Variants in KIAA0319 observed in about 807,000 individuals in gnomAD.
KIAA0319 encodes KIAA0319.
A neutral mutation model predicts 108.4 loss-of-function variants in KIAA0319; 83 were observed. That is an observed-to-expected ratio of 0.77 (90% confidence interval 0.64 to 0.92). KIAA0319 has a LOEUF of 0.92. Among genes scored for constraint, KIAA0319 ranks in the 40% least tolerant of loss-of-function variants. The pLI, the probability that KIAA0319 is intolerant of heterozygous loss-of-function variation, is 0.00. For missense variants in KIAA0319, 1,195 were observed against 1,322.4 expected, an observed-to-expected ratio of 0.90 and a Z score of 1.49; for synonymous variants, 484 against 510.4, an observed-to-expected ratio of 0.95 and a Z score of 0.70.
At chr6:24,643,714 A>C (rs1777257574) in intron 1 of KIAA0319, among the ~76,000 whole-genome samples, 1 of 152,246 alleles carries the variant, frequency 6.6e-6, no homozygotes, top group Admixed American at 6.5e-5. Flanking sequence ...TATTTCCTGA[A>C]AAAGAACACA....
chr6:24,606,787 A>G (rs1218773514), intron 1 of KIAA0319, among the ~76,000 whole-genome samples: 1 of 152,218 alleles, frequency 6.6e-6, no homozygotes, highest in Non-Finnish European at 1.5e-5. Context: ...CAGAAAAGGA[A>G]CTATTGAATA....
intron 19 of KIAA0319, among the ~76,000 whole-genome samples, chr6:24,553,511 CA>C (rs1290069515): frequency 2.6e-5 from 4 of 151,922 alleles, no homozygotes; most frequent in African/African-American, 9.7e-5. Context: ...CTCCCCAAAG[CA>C]AGAAACTTCC....
chr6:24,546,905 A>G lies in KIAA0319; in HGVS notation c.*260T>C, dbSNP rs1760702744. The G allele has an allele frequency of 3.0e-6, 1 of 338,924 alleles. No homozygotes were observed. The highest frequency in any genetic ancestry group is 5.6e-5 in the South Asian group (1 of 17,760). The allele number at this position is 338,924 out of a possible 1,614,324, so 21.0% of individuals were successfully genotyped here. A position where few individuals can be genotyped will look rare whatever the true frequency, so the allele number is the denominator to read the frequency against. On this transcript the variant is annotated 3_prime_UTR_variant, in exon 21 of 21. Coordinates refer to ENST00000378214, the MANE Select transcript of KIAA0319 (RefSeq NM_014809.4). ...TCTTTAATATGAGATTGTGCCAGCTACAAAAACTCAAAACTCTTTTAAGTA... is the reference window on the plus strand; with the variant it reads ...TCTTTAATATGAGATTGTGCCAGCTGCAAAAACTCAAAACTCTTTTAAGTA...
chr6:24,571,710 C>T (rs191438495), intron 11 of KIAA0319, among the ~76,000 whole-genome samples: 66 of 152,338 alleles, frequency 4.3e-4, no homozygotes, highest in African/African-American at 1.5e-3. Context: ...GGCGCCCACG[C>T]ATACTGTTCC....
intron 1 of KIAA0319, among the ~76,000 whole-genome samples, chr6:24,624,108 T>C (rs1383829438): frequency 1.4e-5 from 2 of 141,836 alleles, no homozygotes; most frequent in East Asian, 4.4e-4. Context: ...CACTGCAGCC[T>C]CTGCCTCCTG....
At chr6:24,617,164 T>A (rs752049947) in intron 1 of KIAA0319, among the ~76,000 whole-genome samples, 1 of 151,960 alleles carries the variant, frequency 6.6e-6, no homozygotes, top group African/African-American at 2.4e-5. Flanking sequence ...AATGTAGTCA[T>A]AATAACTAAA....
intron 1 of KIAA0319, among the ~76,000 whole-genome samples, chr6:24,645,027 T>G (rs187616200): frequency 6.6e-6 from 1 of 152,206 alleles, no homozygotes; most frequent in South Asian, 2.1e-4. Flanking sequence ...ATTGAAGCAT[T>G]TGGAAAGTGA....
rs143223310 is a variant in KIAA0319, at chr6:24,563,656, T to C, written c.2432-138A>G. The C allele has an allele frequency of 1.8e-3, 1,232 of 682,822 alleles. 1 individual carries two copies. Among genetic ancestry groups the C allele is most frequent in the Middle Eastern group, 3.2e-3 (12 of 3,768 alleles). The allele number at this position is 682,822 out of a possible 1,614,324, so 42.3% of individuals were successfully genotyped here. ...TGAGTTGTAGCACTCAGGTAAATTC[T>C]TCTAAACACCGCAAAGGCCACTATC... On this transcript the variant is annotated intron_variant, in intron 15 of 20. Coordinates refer to ENST00000378214, the MANE Select transcript of KIAA0319 (RefSeq NM_014809.4).
At chr6:24,607,701 C>T (rs192785961) in intron 1 of KIAA0319, among the ~76,000 whole-genome samples, 1 of 152,082 alleles carries the variant, frequency 6.6e-6, no homozygotes, top group Non-Finnish European at 1.5e-5. Context: ...CTGAGGAAAG[C>T]GACTAATTTA....
At chr6:24,619,493 A>G (rs905720727) in intron 1 of KIAA0319, among the ~76,000 whole-genome samples, 2 of 152,198 alleles carry the variant, frequency 1.3e-5, no homozygotes, top group Non-Finnish European at 2.9e-5. Context: ...AATGCAAGAG[A>G]TATCTAAGTG....
chr6:24,599,299 G>C lies in KIAA0319; in HGVS notation c.55+1750C>G, dbSNP rs1230401649. On this transcript the variant is annotated intron_variant, in intron 2 of 20. Coordinates refer to ENST00000378214, the MANE Select transcript of KIAA0319 (RefSeq NM_014809.4). The surrounding 1 kb of genome is among the most constrained non-coding windows in gnomAD (Gnocchi z 4.1). ...TCTGAGATGAATCAGAACATCAGCC[G>C]GCTCCAGACTGAGACTGAGGGCCTC... 2.7e-5 allele frequency: 13 copies of C among 484,464 alleles called. No individual in the cohort carries two copies. The East Asian group carries it at 5.7e-4, about 21-fold the overall frequency. 30.0% of individuals were successfully genotyped at this position (484,464 alleles called of 1,614,324 possible). A position where few individuals can be genotyped will look rare whatever the true frequency, so the allele number is the denominator to read the frequency against.
intron 13 of KIAA0319, among the ~76,000 whole-genome samples, chr6:24,568,263 G>A (rs966055777): frequency 2.0e-5 from 3 of 152,180 alleles, no homozygotes; most frequent in Admixed American, 1.3e-4. Context: ...CAACACCTCT[G>A]ATTTGCCATG....
intron 2 of KIAA0319, among the ~76,000 whole-genome samples, chr6:24,597,791 A>T (rs1769887055): frequency 6.6e-6 from 1 of 151,728 alleles, no homozygotes; most frequent in South Asian, 2.1e-4. Context: ...GATGGTTCAC[A>T]CCTGTAATCC....
intron 1 of KIAA0319, among the ~76,000 whole-genome samples, chr6:24,607,145 C>T (rs1771531469): frequency 6.6e-6 from 1 of 152,216 alleles, no homozygotes; most frequent in Non-Finnish European, 1.5e-5. Context: ...CACCTGAGGT[C>T]AGGAATTTGA....
At chr6:24,638,464 G>T (rs966243430) in intron 1 of KIAA0319, among the ~76,000 whole-genome samples, 1 of 152,086 alleles carries the variant, frequency 6.6e-6, no homozygotes, top group African/African-American at 2.4e-5. Context: ...ATAATAAAAA[G>T]AATTAGAAAG....
At position 24,599,149 on chromosome 6, in the gene KIAA0319, A is replaced by C. The variant is rs1019326682; in HGVS notation, c.55+1900T>G. On this transcript the variant is annotated intron_variant, in intron 2 of 20. Coordinates refer to ENST00000378214, the MANE Select transcript of KIAA0319 (RefSeq NM_014809.4). This position sits in a 1 kb window ranked among gnomAD's most constrained non-coding sequence, Gnocchi z 4.1. ...AGCATCATTGCTGAGGTCAAGGCCC[A>C]GTACAAGGAGATCACCAACTGTAGC... 6 of 609,932 alleles carry C rather than the reference A, an allele frequency of 9.8e-6. No individual in the cohort carries two copies. Among genetic ancestry groups the C allele is most frequent in the African/African-American group, 1.8e-5 (1 of 54,824 alleles). The allele number at this position is 609,932 out of a possible 1,614,324, so 37.8% of individuals were successfully genotyped here. A position where few individuals can be genotyped will look rare whatever the true frequency, so the allele number is the denominator to read the frequency against.
Position 24,581,008 on chromosome 6 carries a change from G to A in KIAA0319, c.1197C>T (p.Ser399=), listed in dbSNP as rs775431649. 8.7e-6 allele frequency: 14 copies of A among 1,603,568 alleles called. No individual in the cohort carries two copies. Among genetic ancestry groups the A allele is most frequent in the African/African-American group, 2.7e-5 (2 of 74,638 alleles). Reference sequence around the variant, plus strand: ...TGACTTTGAAGACATAAAGTCCGACGGACAACTGTAACATAAAGAAAAGTT... The same window carrying A: ...TGACTTTGAAGACATAAAGTCCGACAGACAACTGTAACATAAAGAAAAGTT... ...HKQTLNLSQL[S]VGLYVFKVTV... is the part of the protein sequence containing the mutation. Residue 399 remains serine (S), a synonymous_variant, in exon 7 of 21, where the codon TCC becomes TCT. Coordinates refer to ENST00000378214, the MANE Select transcript of KIAA0319 (RefSeq NM_014809.4).
Position 24,596,330 on chromosome 6 carries a change from T to G in KIAA0319, c.344A>C (p.Asp115Ala), listed in dbSNP as rs755221031. 6.2e-7 allele frequency: 1 copy of G among 1,614,184 alleles called. No individual in the cohort carries two copies. The highest frequency in any genetic ancestry group is 2.2e-5 in the East Asian group (1 of 44,868). The change falls in exon 3 of 21, where the codon GAC becomes GCC. Residue 115 changes from aspartate to alanine, a missense_variant. Physicochemically the swap from Asp to Ala is moderately radical, Grantham distance 126. Transcript: ENST00000378214. ...CCTGTTCAGCATCATGTCCCCATAG[T>G]CCAGCAGCTGTGCAGGCCTCTGAAC... ...RPVQRPAQLL[D>A]YGDMMLNRGS...
intron 12 of KIAA0319, among the ~76,000 whole-genome samples, chr6:24,569,272 T>C (rs552425434): frequency 1.5e-3 from 221 of 152,284 alleles, no homozygotes; most frequent in Non-Finnish European, 2.7e-3. Flanking sequence ...CATCTATCTT[T>C]AGGGAGAGCA....
Sources: allele counts gnomAD v4.1 joint callset (sites outside exome capture counted in the v4.1 genomes callset), GRCh38; gene constraint gnomAD v4.1.1; non-coding constraint Gnocchi (gnomAD v3.1); transcripts MANE v1.5; gene names NCBI Gene and HGNC (gene_info 2026-07-23, HGNC 2026-07-21).